POU2F1: variants seen among roughly 807,000 people sequenced by gnomAD.
The protein encoded by POU2F1 is POU domain, class 2, transcription factor 1.
Under a neutral mutation model 84.9 loss-of-function variants are expected in POU2F1, and 16 were observed. That is an observed-to-expected ratio of 0.19 (90% CI 0.13 to 0.29). The LOEUF is 0.29. Ranked by LOEUF, POU2F1 falls within the 10% of genes least tolerant of loss-of-function variation. The pLI is 1.00. For missense variants in POU2F1, 738 were observed against 942.6 expected, an observed-to-expected ratio of 0.78 and a Z score of 2.84; for synonymous variants, 368 against 368.3, an observed-to-expected ratio of 1.00 and a Z score of 0.01.
chr1:167,251,992 A>T (rs935656578), intron 1 of POU2F1, among the ~76,000 whole-genome samples: 1 of 150,286 alleles, frequency 6.7e-6, no homozygotes, highest in African/African-American at 2.5e-5. Context: ...TTACAGGTGC[A>T]TGCCACCATG....
chr1:167,337,615 T>C (rs1267972267), intron 2 of POU2F1, among the ~76,000 whole-genome samples: 3 of 150,912 alleles, frequency 2.0e-5, no homozygotes. Context: ...AGAAAATCAG[T>C]GAAGGCCGTC....
intron 12 of POU2F1, among the ~76,000 whole-genome samples, chr1:167,400,973 TAAAAGA>T (rs1256804338): frequency 2.0e-5 from 3 of 152,248 alleles, no homozygotes; most frequent in East Asian, 3.9e-4. Flanking sequence ...AGATTTGTAC[TAAAAGA>T]AAGACAGTAT....
chr1:167,384,452 A>G (rs1291438976), intron 8 of POU2F1, among the ~76,000 whole-genome samples: 1 of 152,146 alleles, frequency 6.6e-6, no homozygotes, highest in Non-Finnish European at 1.5e-5. Context: ...TATAGACCTG[A>G]TTCCACTTCT....
At chr1:167,238,988 A>G (rs1649701543) in intron 1 of POU2F1, among the ~76,000 whole-genome samples, 1 of 152,182 alleles carries the variant, frequency 6.6e-6, no homozygotes, top group Non-Finnish European at 1.5e-5. Context: ...CCTATTCTGA[A>G]TCCAGGCACA....
intron 8 of POU2F1, among the ~76,000 whole-genome samples, chr1:167,386,578 A>T (rs754798992): frequency 6.6e-6 from 1 of 152,252 alleles, no homozygotes; most frequent in Non-Finnish European, 1.5e-5. Context: ...AAAGACTTGT[A>T]TGTGAATGTT....
At chr1:167,359,847 TTTG>T (rs1267170228) in intron 2 of POU2F1, among the ~76,000 whole-genome samples, 34 of 73,720 alleles carry the variant, frequency 4.6e-4, no homozygotes, top group Non-Finnish European at 8.4e-4. Flanking sequence ...CATTTGTGGG[TTTG>T]TTTTTTTTTT....
At chr1:167,403,440 AAG>A (rs1328153683) in intron 13 of POU2F1, among the ~76,000 whole-genome samples, 24 of 152,322 alleles carry the variant, frequency 1.6e-4, no homozygotes, top group African/African-American at 5.8e-4. Flanking sequence ...GAAAGAGAAG[AAG>A]AGTCAGTGTC....
chr1:167,419,226 G>C lies in POU2F1; in HGVS notation c.*3416G>C, dbSNP rs561115924. Reference sequence around the variant, plus strand: ...ATATGGGAGAGCCTGGAAACTAAAGGGGACCAGGGACCATTTGACCAAAAG... The same window carrying C: ...ATATGGGAGAGCCTGGAAACTAAAGCGGACCAGGGACCATTTGACCAAAAG... On this transcript the variant is annotated 3_prime_UTR_variant, in exon 16 of 16. Transcript: ENST00000367866. 10 of 152,252 alleles carry C rather than the reference G, an allele frequency of 6.6e-5. No homozygotes were observed. The highest frequency in any genetic ancestry group is 2.4e-4 in the African/African-American group (10 of 41,546). 9.4% of individuals were successfully genotyped at this position (152,252 alleles called of 1,614,324 possible). A position where few individuals can be genotyped will look rare whatever the true frequency, so the allele number is the denominator to read the frequency against.
chr1:167,329,850 CTT>C (rs1166875595), intron 1 of POU2F1, among the ~76,000 whole-genome samples: 1 of 152,126 alleles, frequency 6.6e-6, no homozygotes, highest in Non-Finnish European at 1.5e-5. Flanking sequence ...AAACTATTAA[CTT>C]TTCAAATTTT....
intron 2 of POU2F1, among the ~76,000 whole-genome samples, chr1:167,332,985 A>T (rs779220652): frequency 2.6e-5 from 4 of 152,212 alleles, no homozygotes; most frequent in Non-Finnish European, 4.4e-5. Flanking sequence ...GTAACTATTC[A>T]GTAAAATGTT....
intron 14 of POU2F1, among the ~76,000 whole-genome samples, chr1:167,412,812 T>C (rs925237854): frequency 3.3e-5 from 5 of 152,200 alleles, no homozygotes; most frequent in African/African-American, 1.2e-4. Context: ...CTATAAAAGT[T>C]TTACATTTTG....
intron 1 of POU2F1, among the ~76,000 whole-genome samples, chr1:167,302,607 A>G (rs749338618): frequency 2.0e-5 from 3 of 152,144 alleles, no homozygotes; most frequent in Non-Finnish European, 2.9e-5. Flanking sequence ...TTTTGTTTGT[A>G]CCATTGCATC....
chr1:167,287,375 TTCA>T (rs1653605292), intron 1 of POU2F1, among the ~76,000 whole-genome samples: 2 of 152,178 alleles, frequency 1.3e-5, no homozygotes, highest in Non-Finnish European at 1.5e-5. Context: ...GGAATGTGCT[TTCA>T]ACACAAGCTT....
intron 1 of POU2F1, chr1:167,329,437 G>A: frequency 1.9e-6 from 2 of 1,055,710 alleles, no homozygotes; most frequent in South Asian, 3.5e-5. Context: ...ACTGAGCAGG[G>A]AAGGAGGAAA....
At chr1:167,241,897 T>C (rs1206518182) in intron 1 of POU2F1, among the ~76,000 whole-genome samples, 1 of 152,222 alleles carries the variant, frequency 6.6e-6, no homozygotes, top group African/African-American at 2.4e-5. Flanking sequence ...TCATGCTAAC[T>C]TTAGTTGACT....
chr1:167,318,359 T>C (rs1656066104), intron 1 of POU2F1, among the ~76,000 whole-genome samples: 2 of 152,348 alleles, frequency 1.3e-5, no homozygotes, highest in Non-Finnish European at 2.9e-5. Flanking sequence ...TTAGAGGAGC[T>C]GAACATAGTG....
At chr1:167,381,603 C>CTTT (rs147770215) in intron 7 of POU2F1, among the ~76,000 whole-genome samples, 40 of 65,978 alleles carry the variant, frequency 6.1e-4, no homozygotes, top group East Asian at 1.5e-3. Flanking sequence ...GCTCTCTTCT[C>CTTT]TTTTTTTTTT....
At chr1:167,399,968 CTTTTTTTTTTTTTTT>C (rs67562017) in intron 12 of POU2F1, among the ~76,000 whole-genome samples, 2 of 61,376 alleles carry the variant, frequency 3.3e-5, no homozygotes, top group African/African-American at 7.1e-5. Context: ...CATTCCCAGT[CTTTTTTTTTTTTTTT>C]TTTTTTTTTT....
chr1:167,349,520 C>T (rs1557915106), intron 2 of POU2F1, among the ~76,000 whole-genome samples: 1 of 152,034 alleles, frequency 6.6e-6, no homozygotes, highest in Non-Finnish European at 1.5e-5. Context: ...TTTGTCTCTC[C>T]ACTGCTGCAT....
Sources: allele counts gnomAD v4.1 joint callset (sites outside exome capture counted in the v4.1 genomes callset), GRCh38; gene constraint gnomAD v4.1.1; transcripts MANE v1.5; gene names NCBI Gene and HGNC (gene_info 2026-07-23, HGNC 2026-07-21).